TANC1: variants seen among roughly 807,000 people sequenced by gnomAD.
The protein encoded by TANC1 is tetratricopeptide repeat, ankyrin repeat and coiled-coil containing 1.
In TANC1, 77 loss-of-function variants were observed where a neutral mutation model predicts 149.7. That is an observed-to-expected ratio of 0.51 (90% CI 0.43 to 0.62). TANC1 has a LOEUF of 0.62. Ranked by LOEUF, TANC1 falls within the 20% of genes least tolerant of loss-of-function variation. The pLI, the probability that TANC1 is intolerant of heterozygous loss-of-function variation, is 0.00. For missense variants in TANC1, 1,985 were observed against 2,321.8 expected (o/e 0.85, Z 2.98); for synonymous variants, 854 against 925.0 (o/e 0.92, Z 1.39).
At chr2:158,975,611 G>A (rs1414087066) in intron 1 of TANC1, among the ~76,000 whole-genome samples, 2 of 150,820 alleles carry the variant, frequency 1.3e-5, no homozygotes, top group East Asian at 1.9e-4. Flanking sequence ...TGTAGGAGGC[G>A]GGCGGGTAGA....
chr2:159,175,801 G>A (rs1391364164), intron 12 of TANC1, among the ~76,000 whole-genome samples: 1 of 152,178 alleles, frequency 6.6e-6, no homozygotes, highest in Non-Finnish European at 1.5e-5. Context: ...CTTCTCTATT[G>A]CCTGGGCAGA....
intron 19 of TANC1, among the ~76,000 whole-genome samples, chr2:159,213,032 C>A (rs1009440444): frequency 6.6e-5 from 10 of 152,028 alleles, no homozygotes; most frequent in African/African-American, 2.4e-4. Flanking sequence ...GTTTGAGAGC[C>A]AGATTCTCCA....
chr2:159,086,471 A>T (rs932638579), intron 3 of TANC1, among the ~76,000 whole-genome samples: 2 of 152,112 alleles, frequency 1.3e-5, no homozygotes, highest in African/African-American at 4.8e-5. Context: ...AGTGTGTGGC[A>T]GGCAGACTGA....
chr2:159,196,159 C>A (rs905454187), intron 17 of TANC1, among the ~76,000 whole-genome samples: 1 of 152,174 alleles, frequency 6.6e-6, no homozygotes, highest in Non-Finnish European at 1.5e-5. Flanking sequence ...TTTTCCACAT[C>A]CCTCTCTTTC....
intron 3 of TANC1, among the ~76,000 whole-genome samples, chr2:159,077,494 A>G (rs2149769285): frequency 6.6e-6 from 1 of 152,250 alleles, no homozygotes; most frequent in South Asian, 2.1e-4. Context: ...CATTCAAGAT[A>G]TTTTCTGTGC....
At chr2:159,064,792 GGTGGTGT>G (rs1440052259) in intron 2 of TANC1, among the ~76,000 whole-genome samples, 1 of 152,238 alleles carries the variant, frequency 6.6e-6, no homozygotes, top group Non-Finnish European at 1.5e-5. Context: ...GGGGCTGAGA[GGTGGTGT>G]GTGGTGTGTT....
chr2:159,222,437 G>GT (rs549083058), intron 22 of TANC1, among the ~76,000 whole-genome samples: 2,946 of 152,186 alleles, frequency 0.019, 49 homozygotes, highest in Middle Eastern at 0.027. Flanking sequence ...TACTTTGTGA[G>GT]TTTTTTTACC....
chr2:159,090,151 G>T (rs567965445), intron 3 of TANC1, among the ~76,000 whole-genome samples: 1 of 152,104 alleles, frequency 6.6e-6, no homozygotes, highest in Non-Finnish European at 1.5e-5. Flanking sequence ...TATCCTTCTC[G>T]AGACCCTCCA....
intron 4 of TANC1, among the ~76,000 whole-genome samples, chr2:159,122,403 G>A (rs987796639): frequency 6.6e-6 from 1 of 152,098 alleles, no homozygotes; most frequent in African/African-American, 2.4e-5. Flanking sequence ...TATTATCATT[G>A]AAGTGGCCAG....
At chr2:159,165,848 C>T (rs1160954227) in intron 8 of TANC1, among the ~76,000 whole-genome samples, 1 of 152,252 alleles carries the variant, frequency 6.6e-6, no homozygotes, top group Non-Finnish European at 1.5e-5. Context: ...ACAGCCTCCT[C>T]ATGGGGCTGG....
In TANC1 at chr2:159,231,824, C is replaced by T. The variant is rs1407209398; in HGVS notation, c.*812C>T. ...CACCTGGTTTCCAAACTGCTTTTAA[C>T]AATGGTAGTGCTCCTGGAACAATCC... On this transcript the variant is annotated 3_prime_UTR_variant, in exon 27 of 27. Coordinates refer to ENST00000263635, the MANE Select transcript of TANC1 (RefSeq NM_033394.3). 1 of 152,124 alleles carries T rather than the reference C, an allele frequency of 6.6e-6. No homozygotes were observed. The highest frequency in any genetic ancestry group is 1.5e-5 in the Non-Finnish European group (1 of 68,014). 9.4% of individuals were successfully genotyped at this position (152,124 alleles called of 1,614,324 possible). A position where few individuals can be genotyped will look rare whatever the true frequency, so the allele number is the denominator to read the frequency against.
chr2:159,005,554 C>T (rs2037080130), intron 2 of TANC1, among the ~76,000 whole-genome samples: 1 of 152,134 alleles, frequency 6.6e-6, no homozygotes. Context: ...CACCACTGCA[C>T]TCCAACCTGG....
intron 2 of TANC1, among the ~76,000 whole-genome samples, chr2:159,002,769 CTG>C (rs1160153655): frequency 6.6e-6 from 1 of 152,214 alleles, no homozygotes; most frequent in African/African-American, 2.4e-5. Context: ...GTTCTACAAT[CTG>C]TGCTAAAAGC....
At chr2:159,124,113 T>C (rs2049137110) in intron 4 of TANC1, among the ~76,000 whole-genome samples, 1 of 152,122 alleles carries the variant, frequency 6.6e-6, no homozygotes, top group Admixed American at 6.6e-5. Context: ...ATCCCAGCAC[T>C]TTGGGAAGCT....
chr2:159,007,594 A>G (rs1176288975), intron 2 of TANC1, among the ~76,000 whole-genome samples: 1 of 152,226 alleles, frequency 6.6e-6, no homozygotes. Context: ...GCCTAGGTAT[A>G]TAGTAGGCTG....
intron 4 of TANC1, among the ~76,000 whole-genome samples, chr2:159,122,748 TTC>T (rs2048985413): frequency 7.1e-6 from 1 of 140,762 alleles, no homozygotes; most frequent in African/African-American, 2.5e-5. Flanking sequence ...TGGGTATCAA[TTC>T]TTTTTCTTTT....
intron 3 of TANC1, among the ~76,000 whole-genome samples, chr2:159,077,897 T>C (rs1033328421): frequency 6.6e-6 from 1 of 152,220 alleles, no homozygotes. Context: ...TGAAAGGTGG[T>C]AAGTTTACAA....
intron 16 of TANC1, among the ~76,000 whole-genome samples, chr2:159,193,438 G>C (rs929282885): frequency 5.3e-5 from 8 of 152,214 alleles, no homozygotes; most frequent in African/African-American, 1.9e-4. Flanking sequence ...GTACAAATAT[G>C]TCTTTGAGAT....
intron 3 of TANC1, among the ~76,000 whole-genome samples, chr2:159,080,419 G>C (rs1290412331): frequency 6.6e-6 from 1 of 152,180 alleles, no homozygotes; most frequent in African/African-American, 2.4e-5. Flanking sequence ...GAGAAAGCCT[G>C]GCTCCAGGAC....
Sources: gnomAD v4.1 joint callset for allele counts (sites outside exome capture counted in the v4.1 genomes callset) on GRCh38, gnomAD v4.1.1 for gene constraint, MANE v1.5 for transcripts, NCBI Gene and HGNC (gene_info 2026-07-23, HGNC 2026-07-21) for gene names.